ARHGAP42: variants seen among roughly 807,000 people sequenced by gnomAD.
The protein encoded by ARHGAP42 is Rho GTPase activating protein 42, also known as rho GTPase-activating protein 42.
In ARHGAP42, 63 loss-of-function variants were observed where a neutral mutation model predicts 125.0. The ratio of observed to expected loss-of-function variants is 0.50; its 90% CI spans 0.41 to 0.62. The LOEUF (loss-of-function observed/expected upper bound fraction) is 0.62. Among genes scored for constraint, ARHGAP42 ranks in the 20% least tolerant of loss-of-function variants. ARHGAP42 has a pLI of 0.00. For synonymous variants in ARHGAP42, 339 were observed against 351.0 expected (o/e 0.97, Z 0.38); for missense variants, 766 against 1,024.2 (o/e 0.75, Z 3.44).
At chr11:100,710,251 A>G (rs903986844) in intron 1 of ARHGAP42, among the ~76,000 whole-genome samples, 3 of 152,070 alleles carry the variant, frequency 2.0e-5, no homozygotes, top group Admixed American at 1.3e-4. Context: ...TTTTTTAGAC[A>G]GAGTCTCACT....
At chr11:100,872,501 T>A (rs1197454209) in intron 4 of ARHGAP42, among the ~76,000 whole-genome samples, 1 of 152,134 alleles carries the variant, frequency 6.6e-6, no homozygotes, top group East Asian at 1.9e-4. Flanking sequence ...GTTCAAGCAA[T>A]CCTCCTGCCT....
intron 2 of ARHGAP42, among the ~76,000 whole-genome samples, chr11:100,780,594 C>G (rs892925877): frequency 1.3e-5 from 2 of 152,166 alleles, no homozygotes; most frequent in African/African-American, 2.4e-5. Context: ...GTTTTTTGCT[C>G]TTCTGTAAGA....
At chr11:100,793,661 G>GT (rs1398894726) in intron 2 of ARHGAP42, among the ~76,000 whole-genome samples, 2 of 143,158 alleles carry the variant, frequency 1.4e-5, no homozygotes, top group African/African-American at 2.8e-5. Flanking sequence ...CTTTTGATTT[G>GT]TTTTTCTCAC....
intron 1 of ARHGAP42, among the ~76,000 whole-genome samples, chr11:100,715,902 A>C (rs57779779): frequency 0.021 from 3,129 of 152,332 alleles, 100 homozygotes; most frequent in African/African-American, 0.068. Context: ...GGATGGTTTC[A>C]GATGGTTGAG....
intron 3 of ARHGAP42, among the ~76,000 whole-genome samples, chr11:100,828,018 C>T (rs1167235864): frequency 6.6e-6 from 1 of 152,152 alleles, no homozygotes; most frequent in Non-Finnish European, 1.5e-5. Flanking sequence ...ACAGTCTCAT[C>T]CCTGAGAGCA....
chr11:100,919,590 C>A (rs1418481221), intron 5 of ARHGAP42, among the ~76,000 whole-genome samples: 1 of 152,046 alleles, frequency 6.6e-6, no homozygotes, highest in African/African-American at 2.4e-5. Context: ...AAAATGGAGA[C>A]AGCATCTCAC....
At chr11:100,688,758 A>G (rs2120159229) in intron 1 of ARHGAP42, among the ~76,000 whole-genome samples, 1 of 152,282 alleles carries the variant, frequency 6.6e-6, no homozygotes, top group East Asian at 1.9e-4. Context: ...TTTATTTTCC[A>G]TCTTCAAAGG....
At chr11:100,965,586 G>T in intron 16 of ARHGAP42, 85 bp from the exon 17 acceptor site, 1 of 1,094,456 alleles carries the variant, frequency 9.1e-7, no homozygotes. Flanking sequence ...GGTAGGAGTG[G>T]TAATTGTGAT....
chr11:100,975,359 A>C (rs975506363), intron 19 of ARHGAP42, among the ~76,000 whole-genome samples: 4 of 152,170 alleles, frequency 2.6e-5, no homozygotes, highest in African/African-American at 9.7e-5. Flanking sequence ...GTACCCAGAA[A>C]AATTTAAAAA....
chr11:100,729,491 C>G (rs1303795734), intron 1 of ARHGAP42, among the ~76,000 whole-genome samples: 1 of 151,958 alleles, frequency 6.6e-6, no homozygotes, highest in African/African-American at 2.4e-5. Context: ...TGTAGTTAGA[C>G]TTGAGATTAG....
At chr11:100,880,040 T>C (rs531741517) in intron 4 of ARHGAP42, among the ~76,000 whole-genome samples, 2 of 152,338 alleles carry the variant, frequency 1.3e-5, no homozygotes, top group African/African-American at 4.8e-5. Context: ...GGACAGATTA[T>C]TTATTCATTT....
chr11:100,987,453 T>C, intron 22 of ARHGAP42, 60 bp from the exon 23 acceptor site: 1 of 1,350,038 alleles, frequency 7.4e-7, no homozygotes, highest in Non-Finnish European at 1.0e-6. Context: ...AGAAGAGTTT[T>C]AAATATAGAT....
At chr11:100,775,328 C>T (rs905535469) in intron 2 of ARHGAP42, among the ~76,000 whole-genome samples, 1 of 152,052 alleles carries the variant, frequency 6.6e-6, no homozygotes, top group Admixed American at 6.5e-5. Flanking sequence ...TGACTATAAA[C>T]CGGTATAAGA....
intron 22 of ARHGAP42, chr11:100,986,250 T>C: frequency 2.8e-6 from 1 of 356,012 alleles, no homozygotes; most frequent in Non-Finnish European, 5.5e-6. Flanking sequence ...AGAGAAGGCC[T>C]GACCTTCAGC....
chr11:100,770,226 T>C (rs1862940392), intron 1 of ARHGAP42, 117 bp from the exon 2 acceptor site: 2 of 705,364 alleles, frequency 2.8e-6, no homozygotes, highest in Non-Finnish European at 4.6e-6. Context: ...AAACTGGTAT[T>C]AAAGGATTCT....
intron 3 of ARHGAP42, among the ~76,000 whole-genome samples, chr11:100,805,631 T>G (rs1204017651): frequency 6.6e-6 from 1 of 152,178 alleles, no homozygotes; most frequent in East Asian, 1.9e-4. Context: ...ACTATACTTA[T>G]AGTTACTTCT....
chr11:100,972,621 G>A (rs1858279785), intron 17 of ARHGAP42, among the ~76,000 whole-genome samples: 2 of 152,166 alleles, frequency 1.3e-5, no homozygotes, highest in Non-Finnish European at 1.5e-5. Context: ...CCACTGACTT[G>A]CAGTCAGGAG....
chr11:100,831,625 A>G (rs1238384252), intron 3 of ARHGAP42, among the ~76,000 whole-genome samples: 1 of 152,070 alleles, frequency 6.6e-6, no homozygotes, highest in Non-Finnish European at 1.5e-5. Context: ...TATTCTTAGT[A>G]TTTTTGCTGC....
chr11:100,923,541 T>A (rs1867337546), intron 6 of ARHGAP42, among the ~76,000 whole-genome samples: 1 of 151,254 alleles, frequency 6.6e-6, no homozygotes, highest in South Asian at 2.1e-4. Context: ...ATCAGATGTA[T>A]ACAGAGGAGA....
Sources: gnomAD v4.1 joint callset for allele counts (sites outside exome capture counted in the v4.1 genomes callset) on GRCh38, gnomAD v4.1.1 for gene constraint, MANE v1.5 for transcripts, NCBI Gene and HGNC (gene_info 2026-07-23, HGNC 2026-07-21) for gene names.